Variants in MAML3 observed in about 807,000 individuals in gnomAD.
MAML3 encodes mastermind like transcriptional coactivator 3.
Under a neutral mutation model 101.9 loss-of-function variants are expected in MAML3, and 27 were observed. The observed-to-expected ratio is 0.27, with a 90% CI of 0.20 to 0.37. The LOEUF is 0.37. MAML3 is among the 10% of genes least tolerant of loss of function. The pLI, the probability that MAML3 is intolerant of heterozygous loss-of-function variation, is 1.00. For synonymous variants in MAML3, 501 were observed against 555.9 expected, an observed-to-expected ratio of 0.90 and a Z score of 1.39; for missense variants, 1,316 against 1,444.9, an observed-to-expected ratio of 0.91 and a Z score of 1.45.
intron 1 of MAML3, among the ~76,000 whole-genome samples, chr4:140,049,852 C>G (rs2110920898): frequency 6.6e-6 from 1 of 151,046 alleles, no homozygotes; most frequent in Admixed American, 6.6e-5. Context: ...AGTGGGTGTA[C>G]TTGAAAAAGC....
chr4:139,889,942 C>CTGCTCT lies in MAML3; in HGVS notation c.1493_1494insAGAGCA (p.Gln498_Gln499insGluGln). ...GCTGCTGCTGCTGCTGCTGCTGCTGCTGCTGCTGCTGCTGCTGCTGCTGCT... is the reference window on the plus strand; with the variant it reads ...GCTGCTGCTGCTGCTGCTGCTGCTGCTGCTCTTGCTGCTGCTGCTGCTGCTGCTGCT... On this transcript the variant is annotated inframe_insertion, in exon 2 of 5. Coordinates refer to ENST00000509479, the MANE Select transcript of MAML3 (RefSeq NM_018717.5). The CTGCTCT allele has an allele frequency of 6.3e-6, 1 of 159,218 alleles. No individual in the cohort carries two copies. Among genetic ancestry groups the CTGCTCT allele is most frequent in the Non-Finnish European group, 9.1e-6 (1 of 109,984 alleles). 9.9% of individuals were successfully genotyped at this position (159,218 alleles called of 1,614,324 possible). A position where few individuals can be genotyped will look rare whatever the true frequency, so the allele number is the denominator to read the frequency against.
intron 2 of MAML3, among the ~76,000 whole-genome samples, chr4:139,809,561 C>T (rs1030766816): frequency 6.6e-6 from 1 of 152,174 alleles, no homozygotes; most frequent in African/African-American, 2.4e-5. Flanking sequence ...CACCGGCACA[C>T]GTCAGTCACG....
At chr4:139,985,734 C>A (rs1734527113) in intron 1 of MAML3, among the ~76,000 whole-genome samples, 1 of 152,232 alleles carries the variant, frequency 6.6e-6, no homozygotes, top group South Asian at 2.1e-4. Flanking sequence ...TTCAGAGGCA[C>A]CACACACATG....
intron 2 of MAML3, among the ~76,000 whole-genome samples, chr4:139,851,645 G>T (rs767944652): frequency 2.0e-5 from 3 of 152,258 alleles, no homozygotes; most frequent in Non-Finnish European, 4.4e-5. Context: ...CTGGTTGGGG[G>T]CATTGGCTCA....
At position 139,737,033 on chromosome 4, in the gene MAML3, G is replaced by A. The variant is rs1369529461; in HGVS notation, c.2080-6366C>T. 5.3e-5 allele frequency among the ~76,000 whole-genome samples: 8 copies of A among 152,144 alleles called. No homozygotes were observed. The East Asian group carries it at 1.2e-3, about 22-fold the overall frequency. On this transcript the variant is annotated intron_variant, in intron 2 of 4. Coordinates refer to ENST00000509479, the MANE Select transcript of MAML3 (RefSeq NM_018717.5). Reference sequence around the variant, plus strand: ...TGAAAGGAGCCAATTCTTCCAGGACGGACTACTCCAGTTGCAACTGTGCTG... The same window carrying A: ...TGAAAGGAGCCAATTCTTCCAGGACAGACTACTCCAGTTGCAACTGTGCTG...
chr4:139,829,377 G>A (rs1405625582), intron 2 of MAML3, among the ~76,000 whole-genome samples: 2 of 152,198 alleles, frequency 1.3e-5, no homozygotes, highest in Non-Finnish European at 2.9e-5. Flanking sequence ...TGTGGCCAAA[G>A]CATTCCAAGT....
At chr4:139,816,810 T>C (rs1474601587) in intron 2 of MAML3, among the ~76,000 whole-genome samples, 1 of 152,086 alleles carries the variant, frequency 6.6e-6, no homozygotes, top group Non-Finnish European at 1.5e-5. Flanking sequence ...GATTCCACGC[T>C]CTCAACATTT....
At chr4:139,976,680 C>A (rs1383652377) in intron 1 of MAML3, among the ~76,000 whole-genome samples, 3 of 152,174 alleles carry the variant, frequency 2.0e-5, no homozygotes, top group Non-Finnish European at 4.4e-5. Context: ...TACATTTCTG[C>A]AAATTCAAAT....
chr4:140,032,201 T>C (rs946443401), intron 1 of MAML3, among the ~76,000 whole-genome samples: 3 of 152,198 alleles, frequency 2.0e-5, no homozygotes, highest in Non-Finnish European at 4.4e-5. Context: ...TTGGAAATGA[T>C]CGTAGATATA....
At chr4:139,749,032 C>T (rs1231652873) in intron 2 of MAML3, among the ~76,000 whole-genome samples, 3 of 152,208 alleles carry the variant, frequency 2.0e-5, no homozygotes, top group African/African-American at 4.8e-5. Context: ...TCTGGCCCCC[C>T]ACAAACTGCC....
At chr4:139,918,720 C>T (rs1015172588) in intron 1 of MAML3, among the ~76,000 whole-genome samples, 5 of 152,150 alleles carry the variant, frequency 3.3e-5, no homozygotes, top group South Asian at 2.1e-4. Flanking sequence ...GAGATAAGCG[C>T]ACGACTGGTG....
At chr4:139,851,512 G>A (rs1487276998) in intron 2 of MAML3, among the ~76,000 whole-genome samples, 1 of 152,200 alleles carries the variant, frequency 6.6e-6, no homozygotes, top group Non-Finnish European at 1.5e-5. Context: ...AATGTCTTTG[G>A]GTTGTTTTCT....
At chr4:139,759,309 A>G (rs1302365718) in intron 2 of MAML3, among the ~76,000 whole-genome samples, 2 of 152,234 alleles carry the variant, frequency 1.3e-5, no homozygotes, top group Non-Finnish European at 2.9e-5. Context: ...ACTGCCTTGA[A>G]TATCAACACA....
intron 1 of MAML3, among the ~76,000 whole-genome samples, chr4:140,051,868 C>T (rs1356296691): frequency 6.6e-6 from 1 of 152,108 alleles, no homozygotes; most frequent in Admixed American, 6.5e-5. Context: ...GGATAAGAAC[C>T]AGGCTTCCTG....
chr4:140,072,966 C>T (rs555648393), intron 1 of MAML3, among the ~76,000 whole-genome samples: 53 of 152,158 alleles, frequency 3.5e-4, no homozygotes, highest in South Asian at 6.2e-4. Context: ...ATGAGCATTT[C>T]CTGGGTGAAA....
intron 2 of MAML3, among the ~76,000 whole-genome samples, chr4:139,823,721 T>C (rs1409005443): frequency 6.6e-6 from 1 of 151,250 alleles, no homozygotes; most frequent in Non-Finnish European, 1.5e-5. Context: ...TTTACACTCA[T>C]TCATGATGCT....
chr4:139,758,656 C>T (rs564354280), intron 2 of MAML3, among the ~76,000 whole-genome samples: 5 of 152,346 alleles, frequency 3.3e-5, no homozygotes, highest in African/African-American at 1.2e-4. Context: ...TCAAACATTT[C>T]TGGTCCTCTC....
intron 1 of MAML3, among the ~76,000 whole-genome samples, chr4:140,139,149 T>C (rs1012310947): frequency 1.3e-5 from 2 of 152,088 alleles, no homozygotes; most frequent in African/African-American, 4.8e-5. Context: ...GGCAGGCACC[T>C]GTAGTCCCAG....
At chr4:139,901,406 C>G (rs1361747692) in intron 1 of MAML3, among the ~76,000 whole-genome samples, 2 of 152,174 alleles carry the variant, frequency 1.3e-5, no homozygotes, top group Admixed American at 1.3e-4. Context: ...TAAATACACA[C>G]ACATATAACA....
Sources: allele counts gnomAD v4.1 joint callset (sites outside exome capture counted in the v4.1 genomes callset), GRCh38; gene constraint gnomAD v4.1.1; transcripts MANE v1.5; gene names NCBI Gene and HGNC (gene_info 2026-07-23, HGNC 2026-07-21).